UMAD1: variants seen among roughly 807,000 people sequenced by gnomAD.
UMAD1 encodes UBAP1-MVB12-associated (UMA) domain containing 1, also known as UBAP1-MVB12-associated (UMA)-domain containing protein 1.
In UMAD1, 8 loss-of-function variants were observed where a neutral mutation model predicts 6.1. The observed-to-expected ratio is 1.30, with a 90% CI of 0.76 to 2.35. The LOEUF (loss-of-function observed/expected upper bound fraction) is 2.35, where lower values mean the gene tolerates loss of function less well. Ranked by LOEUF, UMAD1 falls within the 30% of genes most tolerant of loss-of-function variation. The probability of loss-of-function intolerance (pLI) is 0.00; values close to 1 mark genes in which losing one functional copy is unlikely to be tolerated. For missense variants in UMAD1, 130 were observed against 78.4 expected (o/e 1.66, Z -2.49); for synonymous variants, 56 against 31.4 (o/e 1.78, Z -2.61).
intron 2 of UMAD1, chr7:7,742,170 A>G (rs1781483092): frequency 3.0e-6 from 2 of 666,418 alleles, no homozygotes; most frequent in East Asian, 5.4e-5. Context: ...ATCAGGCCGA[A>G]TCAGGTGTTG....
intron 3 of UMAD1, among the ~76,000 whole-genome samples, chr7:7,820,166 C>T (rs1321603659): frequency 1.1e-5 from 1 of 92,248 alleles, no homozygotes; most frequent in East Asian, 2.9e-4. Context: ...TAAGGAGTTA[C>T]TAATACAGAA....
chr7:7,756,583 T>G (rs562610861), intron 2 of UMAD1, among the ~76,000 whole-genome samples: 70 of 152,280 alleles, frequency 4.6e-4, no homozygotes, highest in African/African-American at 1.7e-3. Flanking sequence ...AGCCCCTTAC[T>G]CTGTTCTTTC....
At chr7:7,769,504 G>A (rs1055883769) in intron 2 of UMAD1, among the ~76,000 whole-genome samples, 3 of 152,098 alleles carry the variant, frequency 2.0e-5, no homozygotes, top group African/African-American at 4.8e-5. Flanking sequence ...CAGGATGGGC[G>A]TTTGCTGCAT....
At chr7:7,707,849 T>C (rs1780644956) in intron 2 of UMAD1, among the ~76,000 whole-genome samples, 1 of 152,214 alleles carries the variant, frequency 6.6e-6, no homozygotes, top group African/African-American at 2.4e-5. Context: ...GATCTTTTAA[T>C]GTAGTTATTT....
chr7:7,864,453 A>G (rs1784186493), intron 3 of UMAD1, among the ~76,000 whole-genome samples: 2 of 152,146 alleles, frequency 1.3e-5, no homozygotes, highest in East Asian at 1.9e-4. Context: ...GCACCATCCC[A>G]TCACAGGGCA....
chr7:7,780,708 T>C (rs1193928303), intron 2 of UMAD1, among the ~76,000 whole-genome samples: 1 of 152,206 alleles, frequency 6.6e-6, no homozygotes, highest in African/African-American at 2.4e-5. Flanking sequence ...GTAAATAGAA[T>C]CATATAGTGT....
chr7:7,797,883 C>T (rs891613313), intron 2 of UMAD1, among the ~76,000 whole-genome samples: 2 of 152,180 alleles, frequency 1.3e-5, no homozygotes. Context: ...GAGATGGTTT[C>T]ACCATGTTGG....
At chr7:7,732,321 A>C (rs1453727630) in intron 2 of UMAD1, among the ~76,000 whole-genome samples, 1 of 152,116 alleles carries the variant, frequency 6.6e-6, no homozygotes, top group African/African-American at 2.4e-5. Flanking sequence ...AAGTGAAAGA[A>C]GTAGGGAGAA....
intron 2 of UMAD1, among the ~76,000 whole-genome samples, chr7:7,748,447 C>A (rs889717599): frequency 6.6e-6 from 1 of 151,936 alleles, no homozygotes; most frequent in Non-Finnish European, 1.5e-5. Flanking sequence ...TCTACTTCTG[C>A]CACAGAACTA....
At chr7:7,868,103 G>A (rs1784265664) in intron 3 of UMAD1, among the ~76,000 whole-genome samples, 1 of 152,166 alleles carries the variant, frequency 6.6e-6, no homozygotes, top group South Asian at 2.1e-4. Flanking sequence ...AGAATCATGA[G>A]GCGGGAAGGC....
chr7:7,643,711 CAAAAAAAA>C (rs34403294), intron 1 of UMAD1, among the ~76,000 whole-genome samples: 98 of 66,966 alleles, frequency 1.5e-3, no homozygotes, highest in African/African-American at 8.5e-3. Flanking sequence ...GACTCCCTCT[CAAAAAAAA>C]AAAAAACAAA....
chr7:7,768,801 A>G (rs542112313), intron 2 of UMAD1, among the ~76,000 whole-genome samples: 1 of 152,306 alleles, frequency 6.6e-6, no homozygotes, highest in Admixed American at 6.5e-5. Context: ...ACTATATTAT[A>G]TGTAATAATT....
intron 2 of UMAD1, among the ~76,000 whole-genome samples, chr7:7,733,870 C>G (rs936507804): frequency 2.0e-5 from 3 of 151,896 alleles, no homozygotes; most frequent in African/African-American, 7.3e-5. Context: ...TTCTGTCACA[C>G]ATAATATGAA....
intron 3 of UMAD1, among the ~76,000 whole-genome samples, chr7:7,813,893 T>C (rs1321953075): frequency 1.3e-5 from 2 of 152,248 alleles, no homozygotes; most frequent in African/African-American, 2.4e-5. Context: ...TACTGATATT[T>C]ATTATGGAGG....
intron 1 of UMAD1, 138 bp from the exon 2 acceptor site, chr7:7,673,171 A>G: frequency 1.5e-6 from 1 of 683,306 alleles, no homozygotes; most frequent in Non-Finnish European, 2.6e-6. Flanking sequence ...CATCTAGAGA[A>G]GGCTCATGGT....
intron 1 of UMAD1, among the ~76,000 whole-genome samples, chr7:7,657,655 T>C (rs1785375083): frequency 6.6e-6 from 1 of 152,206 alleles, no homozygotes; most frequent in South Asian, 2.1e-4. Context: ...GGCTCTGTTC[T>C]GTTCCATTGG....
At chr7:7,652,744 GAACA>G (rs1260578857) in intron 1 of UMAD1, among the ~76,000 whole-genome samples, 4 of 152,212 alleles carry the variant, frequency 2.6e-5, no homozygotes, top group Non-Finnish European at 4.4e-5. Context: ...ATTAAATAGT[GAACA>G]AACAAATGAC....
intron 2 of UMAD1, among the ~76,000 whole-genome samples, chr7:7,762,542 G>A (rs1380574560): frequency 6.6e-6 from 1 of 152,092 alleles, no homozygotes; most frequent in Non-Finnish European, 1.5e-5. Flanking sequence ...ACTGCTTTGT[G>A]CAAATTGCTA....
chr7:7,778,304 G>C (rs1782268209), intron 2 of UMAD1, among the ~76,000 whole-genome samples: 1 of 151,456 alleles, frequency 6.6e-6, no homozygotes, highest in African/African-American at 2.4e-5. Context: ...GAGACAGAGA[G>C]AGAGCGTAAA....
Sources: allele counts gnomAD v4.1 joint callset (sites outside exome capture counted in the v4.1 genomes callset), GRCh38; gene constraint gnomAD v4.1.1; transcripts MANE v1.5; gene names NCBI Gene and HGNC (gene_info 2026-07-23, HGNC 2026-07-21).